Variants in APC observed in about 807,000 individuals in gnomAD.
APC encodes adenomatous polyposis coli protein.
In APC, 72 loss-of-function variants were observed where a neutral mutation model predicts 247.0. That is an observed-to-expected ratio of 0.29 (90% CI 0.24 to 0.35). APC has a LOEUF of 0.35. Among genes scored for constraint, APC ranks in the 10% least tolerant of loss-of-function variants. The pLI is 1.00. For missense variants in APC, 3,400 were observed against 3,360.7 expected, an observed-to-expected ratio of 1.01 and a Z score of -0.29; for synonymous variants, 1,254 against 1,162.5, an observed-to-expected ratio of 1.08 and a Z score of -1.60.
chr5:112,736,588 A>G (rs1195202569), upstream of APC, among the ~76,000 whole-genome samples: 1 of 152,192 alleles, frequency 6.6e-6, no homozygotes, highest in African/African-American at 2.4e-5. Context: ...CTATTTGAAA[A>G]TTAAGAAACG....
chr5:112,737,333 G>C (rs1277985144), upstream of APC, among the ~76,000 whole-genome samples: 2 of 152,190 alleles, frequency 1.3e-5, no homozygotes, highest in Non-Finnish European at 2.9e-5. Flanking sequence ...CAGACTTCCA[G>C]AGTTCTGATC....
chr5:112,771,952 C>T (rs1030285007), intron 4 of APC, among the ~76,000 whole-genome samples: 1 of 152,072 alleles, frequency 6.6e-6, no homozygotes, highest in East Asian at 1.9e-4. Context: ...GTAAAGTGAT[C>T]ATGAGAATAA....
At position 112,840,298 on chromosome 5, in the gene APC, T is replaced by C. The variant is rs1554086117; in HGVS notation, c.4704T>C (p.Asp1568=). 3 of 1,614,120 alleles carry C rather than the reference T, an allele frequency of 1.9e-6. No individual in the cohort carries two copies. The highest frequency in any genetic ancestry group is 1.7e-6 in the Non-Finnish European group (2 of 1,179,976). ...AAAAGGACCTATTAGATGATTCAGA[T>C]GATGATGATATTGAAATACTAGAAG... ...DSEKDLLDDS[D]DDDIEILEEC... The change falls in exon 16 of 16, where the codon GAT becomes GAC. Residue 1568 remains aspartate, a synonymous_variant. Coordinates refer to ENST00000257430, the MANE Select transcript of APC (RefSeq NM_000038.6). The surrounding 1 kb of genome is among the most constrained non-coding windows in gnomAD (Gnocchi z 4.1).
chr5:112,829,925 A>C (rs996193583), intron 14 of APC: 4 of 152,112 alleles, frequency 2.6e-5, no homozygotes, highest in African/African-American at 9.7e-5. Flanking sequence ...TGCTTCAGAA[A>C]CTAGGCTAAA....
chr5:112,746,243 A>T (rs1753662509), intron 1 of APC, among the ~76,000 whole-genome samples: 1 of 152,144 alleles, frequency 6.6e-6, no homozygotes, highest in Non-Finnish European at 1.5e-5. Flanking sequence ...CTTTAAAAAA[A>T]TCTTAGCTCT....
Position 112,815,557 on chromosome 5 carries a change from T to C in APC, c.897T>C (p.Ser299=), listed in dbSNP as rs1762425713. The C allele has an allele frequency of 1.2e-6, 2 of 1,612,014 alleles. No individual in the cohort carries two copies. The change falls in exon 9 of 16, where the codon TCT becomes TCC. Residue 299 remains serine (S), a synonymous_variant. Transcript: ENST00000257430. ...ASVLSSSSTH[S]APRRLTSHLG... ...TTTTGAGTTCTAGTAGCACACACTC[T>C]GCACCTCGAAGGCTGACAAGTCATC...
At chr5:112,818,330 A>G (rs1232850786) in intron 9 of APC, among the ~76,000 whole-genome samples, 1 of 152,214 alleles carries the variant, frequency 6.6e-6, no homozygotes, top group Non-Finnish European at 1.5e-5. Flanking sequence ...TCAGAGAGTA[A>G]TTAGTACTTA....
At chr5:112,827,579 CT>C (rs764348540) in intron 12 of APC, among the ~76,000 whole-genome samples, 59 of 152,130 alleles carry the variant, frequency 3.9e-4, no homozygotes, top group Non-Finnish European at 7.8e-4. Context: ...AGATAAAACA[CT>C]TCCTAGGAAT....
chr5:112,836,165 T>TCCCCCCCCCCCCCCCCCCCCCCCCCC (rs59050067), intron 15 of APC, among the ~76,000 whole-genome samples: 3 of 24,478 alleles, frequency 1.2e-4, no homozygotes, highest in Non-Finnish European at 2.6e-4. Flanking sequence ...GGATTACAGG[T>TCCCCCCCCCCCCCCCCCCCCCCCCCC]CCCCCCCCCC....
chr5:112,765,286 T>G (rs1375822297), intron 2 of APC, among the ~76,000 whole-genome samples: 1 of 152,068 alleles, frequency 6.6e-6, no homozygotes, highest in Non-Finnish European at 1.5e-5. Context: ...TGTTTGTTTT[T>G]TTAATTTTGT....
At chr5:112,789,185 A>T (rs996730166) in intron 6 of APC, among the ~76,000 whole-genome samples, 8 of 152,338 alleles carry the variant, frequency 5.3e-5, no homozygotes, top group African/African-American at 1.9e-4. Context: ...ACAGTTTGTT[A>T]TTAAATATAA....
chr5:112,794,763 A>G (rs894696821), intron 7 of APC, among the ~76,000 whole-genome samples: 1 of 152,178 alleles, frequency 6.6e-6, no homozygotes, highest in Non-Finnish European at 1.5e-5. Context: ...AGCCACTCAC[A>G]TTTCTGCCCA....
chr5:112,797,229 C>T (rs1760303463), intron 7 of APC, among the ~76,000 whole-genome samples: 1 of 152,116 alleles, frequency 6.6e-6, no homozygotes, highest in South Asian at 2.1e-4. Context: ...AGGAAGGTGC[C>T]ATTTCACATT....
rs1750607611 is a variant in APC at position 112,707,782 on chromosome 5, T to C, written c.65T>C (p.Leu22Pro). ...CCCGCTTCTGTACCACCCTCAGTTC[T>C]CGGGTCCTGGAGCACCGGCGGCAGC... The change falls in exon 1 of 14, where the codon CTC (leucine) becomes CCC (proline). Residue 22 changes from leucine (L) to proline (P), a missense_variant. Physicochemically the swap from Leu to Pro is moderately conservative, Grantham distance 98. Transcript: ENST00000507379. 1 of 1,370,618 alleles carries C rather than the reference T, an allele frequency of 7.3e-7. No homozygotes were observed. Among genetic ancestry groups the C allele is most frequent in the Non-Finnish European group, 9.6e-7 (1 of 1,038,788 alleles). The allele number at this position is 1,370,618 out of a possible 1,614,324, so 84.9% of individuals were successfully genotyped here. A position where few individuals can be genotyped will look rare whatever the true frequency, so the allele number is the denominator to read the frequency against.
At position 112,783,785 on chromosome 5, in the gene APC, GAGAA is replaced by G. The variant is rs745941729; in HGVS notation, c.645+2889_645+2892del. 4.1e-3 allele frequency: 1,296 copies of G among 319,572 alleles called. 15 individuals carry two copies. Among genetic ancestry groups the G allele is most frequent in the African/African-American group, 0.028 (1,131 of 40,016 alleles). The allele number at this position is 319,572 out of a possible 1,614,324, so 19.8% of individuals were successfully genotyped here. On this transcript the variant is annotated intron_variant, in intron 6 of 15. Coordinates refer to ENST00000257430, the MANE Select transcript of APC (RefSeq NM_000038.6). ...GCACTCAAAAAAAAAAAAAAAAAAA[GAGAA>G]AGAAAGGAAAGAAAAGAAAAGAAAG... is the stretch of plus-strand genomic sequence containing the variant.
chr5:112,774,863 T>C (rs1057339841), intron 4 of APC, among the ~76,000 whole-genome samples: 1 of 152,222 alleles, frequency 6.6e-6, no homozygotes, highest in African/African-American at 2.4e-5. Flanking sequence ...AATGTACATA[T>C]AAGTATGCAC....
rs1016363517 is a variant in APC, at chr5:112,846,147, T to C, written c.*2021T>C. Reference sequence around the variant, plus strand: ...TACTATCTTTGAAATGATTGACCTTTAAATTTTTGCCAAATGTTATCTGAA... The same window carrying C: ...TACTATCTTTGAAATGATTGACCTTCAAATTTTTGCCAAATGTTATCTGAA... On this transcript the variant is annotated 3_prime_UTR_variant, in exon 16 of 16. Coordinates refer to ENST00000257430, the MANE Select transcript of APC (RefSeq NM_000038.6). The C allele has an allele frequency of 4.3e-6, 1 of 232,266 alleles. No homozygotes were observed. The highest frequency in any genetic ancestry group is 2.2e-5 in the African/African-American group (1 of 45,332). 14.4% of individuals were successfully genotyped at this position (232,266 alleles called of 1,614,324 possible).
At chr5:112,711,894 A>C (rs1386101235) in intron 1 of APC, among the ~76,000 whole-genome samples, 1 of 152,232 alleles carries the variant, frequency 6.6e-6, no homozygotes, top group Non-Finnish European at 1.5e-5. Flanking sequence ...TAATAAAAAA[A>C]AAATTGCCAC....
chr5:112,800,229 A>G (rs116068829), intron 7 of APC, among the ~76,000 whole-genome samples: 142 of 152,276 alleles, frequency 9.3e-4, no homozygotes, highest in African/African-American at 3.2e-3. Flanking sequence ...GTTAGTGTCA[A>G]ATCTTTGTGG....
Sources: gnomAD v4.1 joint callset for allele counts (sites outside exome capture counted in the v4.1 genomes callset) on GRCh38, gnomAD v4.1.1 for gene constraint, Gnocchi (gnomAD v3.1) non-coding constraint, MANE v1.5 for transcripts, NCBI Gene and HGNC (gene_info 2026-07-23, HGNC 2026-07-21) for gene names.